The following SLIT3 variants were observed in gnomAD, a reference collection of about 807,000 sequenced individuals.
The protein encoded by SLIT3 is slit homolog 3 protein.
A neutral mutation model predicts 184.0 loss-of-function variants in SLIT3; 68 were observed. That is an observed-to-expected ratio of 0.37 (90% CI 0.30 to 0.45). The LOEUF (loss-of-function observed/expected upper bound fraction) is 0.45. SLIT3 is among the 20% of genes least tolerant of loss of function. The pLI is 1.00. For missense variants in SLIT3, 1,707 were observed against 2,026.0 expected, an observed-to-expected ratio of 0.84 and a Z score of 3.02; for synonymous variants, 831 against 828.6, an observed-to-expected ratio of 1.00 and a Z score of -0.05.
intron 4 of SLIT3, among the ~76,000 whole-genome samples, chr5:169,070,129 G>C (rs866165617): frequency 1.3e-5 from 2 of 152,292 alleles, no homozygotes; most frequent in Middle Eastern, 3.4e-3. Context: ...AGAATCCTAG[G>C]GAGCTGGCTG....
chr5:168,847,932 C>T (rs1438815506), intron 5 of SLIT3, among the ~76,000 whole-genome samples: 2 of 152,184 alleles, frequency 1.3e-5, no homozygotes, highest in Non-Finnish European at 2.9e-5. Flanking sequence ...AGCCCATTGC[C>T]TACCCTGCAA....
At chr5:169,103,428 CTAA>C (rs1157951056) in intron 4 of SLIT3, among the ~76,000 whole-genome samples, 2 of 152,196 alleles carry the variant, frequency 1.3e-5, no homozygotes, top group Non-Finnish European at 2.9e-5. Flanking sequence ...CTGAGAAAAA[CTAA>C]GACGAGGATA....
At chr5:168,829,803 C>A (rs1169691962) in intron 6 of SLIT3, among the ~76,000 whole-genome samples, 1 of 152,204 alleles carries the variant, frequency 6.6e-6, no homozygotes, top group Non-Finnish European at 1.5e-5. Flanking sequence ...GTGAGAAACA[C>A]CTAAACCACA....
At chr5:169,219,345 A>G (rs1764547616) in intron 3 of SLIT3, among the ~76,000 whole-genome samples, 1 of 152,210 alleles carries the variant, frequency 6.6e-6, no homozygotes, top group Non-Finnish European at 1.5e-5. Context: ...AATTAATTTA[A>G]TCCCCCAACA....
intron 6 of SLIT3, among the ~76,000 whole-genome samples, chr5:168,840,357 A>G (rs1758199964): frequency 6.6e-6 from 1 of 152,216 alleles, no homozygotes; most frequent in Non-Finnish European, 1.5e-5. Flanking sequence ...ATACTACCGA[A>G]AAACAATTCA....
intron 20 of SLIT3, among the ~76,000 whole-genome samples, chr5:168,745,415 A>ATT (rs766320198): frequency 6.2e-5 from 9 of 146,020 alleles, no homozygotes; most frequent in Non-Finnish European, 7.6e-5. Flanking sequence ...ACTGACTCCA[A>ATT]TTTTTTTTTT....
chr5:169,011,712 G>C (rs1217992228), intron 4 of SLIT3, among the ~76,000 whole-genome samples: 1 of 152,170 alleles, frequency 6.6e-6, no homozygotes, highest in Non-Finnish European at 1.5e-5. Flanking sequence ...AAAGGGAAGG[G>C]AAAACACTCA....
At chr5:168,753,638 TGTGTGTG>T (rs1237073908) in intron 17 of SLIT3, among the ~76,000 whole-genome samples, 1 of 151,982 alleles carries the variant, frequency 6.6e-6, no homozygotes, top group Non-Finnish European at 1.5e-5. Flanking sequence ...ATGTTGGGTG[TGTGTGTG>T]GTGTGTGTGT....
chr5:168,771,929 G>A (rs1039455184), intron 14 of SLIT3, among the ~76,000 whole-genome samples: 6 of 152,166 alleles, frequency 3.9e-5, no homozygotes, highest in Non-Finnish European at 5.9e-5. Flanking sequence ...GCTGCAACCC[G>A]CCTGGGCACT....
intron 4 of SLIT3, among the ~76,000 whole-genome samples, chr5:169,015,952 A>C (rs1182362555): frequency 3.0e-5 from 4 of 131,518 alleles, no homozygotes; most frequent in East Asian, 5.2e-4. Context: ...ACACACACAC[A>C]CACACACACA....
chr5:168,842,469 G>A lies in SLIT3; in HGVS notation c.557+2115C>T, dbSNP rs944933962. ...TGGTGCATCTGGATACCGTTTTTTC[G>A]TTTTTTTTTTTTTTTTTTGTATCTG... is the stretch of plus-strand genomic sequence containing the variant. On this transcript the variant is annotated intron_variant, in intron 6 of 35. Transcript: ENST00000519560. Among the ~76,000 whole-genome samples, 20 of 88,076 alleles carry A rather than the reference G, an allele frequency of 2.3e-4. No individual in the cohort carries two copies. The Middle Eastern group carries it at 0.019, about 86-fold the overall frequency. The allele number at this position is 88,076 out of a possible 152,430, so 57.8% of individuals were successfully genotyped here. A position where few individuals can be genotyped will look rare whatever the true frequency, so the allele number is the denominator to read the frequency against.
chr5:168,875,412 A>G (rs1052869004), intron 5 of SLIT3, among the ~76,000 whole-genome samples: 1 of 152,092 alleles, frequency 6.6e-6, no homozygotes, highest in African/African-American at 2.4e-5. Context: ...CGGGTGGATC[A>G]CCTGAGGTCA....
chr5:168,777,190 T>G (rs1037937770), intron 12 of SLIT3, among the ~76,000 whole-genome samples: 1 of 152,156 alleles, frequency 6.6e-6, no homozygotes, highest in Non-Finnish European at 1.5e-5. Context: ...CTAGGTTCCC[T>G]GGAGGCAGCC....
chr5:168,985,201 G>A (rs1403967280), intron 4 of SLIT3, among the ~76,000 whole-genome samples: 1 of 152,140 alleles, frequency 6.6e-6, no homozygotes, highest in Non-Finnish European at 1.5e-5. Context: ...GAATTAAACT[G>A]AACCTAAAGA....
chr5:168,703,901 T>C (rs1762295157), intron 26 of SLIT3, among the ~76,000 whole-genome samples: 1 of 135,470 alleles, frequency 7.4e-6, no homozygotes, highest in South Asian at 2.3e-4. Flanking sequence ...GCCGAGATTA[T>C]GCCACTGCAC....
At chr5:168,882,521 T>C (rs1275108250) in intron 5 of SLIT3, among the ~76,000 whole-genome samples, 1 of 152,168 alleles carries the variant, frequency 6.6e-6, no homozygotes, top group Non-Finnish European at 1.5e-5. Flanking sequence ...CACAGGCGTA[T>C]ACAAGTGAGC....
intron 4 of SLIT3, among the ~76,000 whole-genome samples, chr5:169,164,037 A>AT (rs1462604826): frequency 6.6e-6 from 1 of 152,114 alleles, no homozygotes; most frequent in African/African-American, 2.4e-5. Context: ...ACAGACTCCA[A>AT]CCCCACACTC....
At chr5:169,290,026 C>A (rs1767289562) in intron 1 of SLIT3, among the ~76,000 whole-genome samples, 1 of 151,558 alleles carries the variant, frequency 6.6e-6, no homozygotes, top group African/African-American at 2.4e-5. Flanking sequence ...AGGGAATATG[C>A]TAGAACGTAC....
At chr5:169,021,913 G>A (rs1189409672) in intron 4 of SLIT3, among the ~76,000 whole-genome samples, 1 of 151,514 alleles carries the variant, frequency 6.6e-6, no homozygotes, top group Non-Finnish European at 1.5e-5. Context: ...GGTCATACTA[G>A]ACACGTGTGA....
Sources: allele counts gnomAD v4.1 joint callset (sites outside exome capture counted in the v4.1 genomes callset), GRCh38; gene constraint gnomAD v4.1.1; transcripts MANE v1.5; gene names NCBI Gene and HGNC (gene_info 2026-07-23, HGNC 2026-07-21).